The following TNFRSF19 variants were observed in gnomAD, a reference collection of about 807,000 sequenced individuals.
The protein encoded by TNFRSF19 is tumor necrosis factor receptor superfamily member 19.
TNFRSF19 carries 27 observed loss-of-function variants against 46.4 expected under a neutral mutation model. That is an observed-to-expected ratio of 0.58 (90% CI 0.43 to 0.80). The LOEUF is 0.80. Ranked by LOEUF, TNFRSF19 falls within the 30% of genes least tolerant of loss-of-function variation. The pLI is 0.00. For missense variants in TNFRSF19, 511 were observed against 530.8 expected (o/e 0.96, Z 0.37); for synonymous variants, 204 against 205.0 (o/e 1.00, Z 0.04).
At chr13:23,608,538 C>T (rs1880668849) in intron 3 of TNFRSF19, among the ~76,000 whole-genome samples, 1 of 152,170 alleles carries the variant, frequency 6.6e-6, no homozygotes, top group Admixed American at 6.5e-5. Flanking sequence ...GTGGTGGAGC[C>T]ACGTGGGAGT....
intron 4 of TNFRSF19, 72 bp downstream of exon 4, chr13:23,616,117 C>CATTCT: frequency 6.8e-7 from 1 of 1,463,770 alleles, no homozygotes; most frequent in Non-Finnish European, 9.2e-7. Flanking sequence ...TCCCTTGTTC[C>CATTCT]ATTCTAAACT....
At position 23,669,096 on chromosome 13, in the gene TNFRSF19, A is replaced by C; in HGVS notation, c.1244A>C (p.Gln415Pro). Residue 415 changes from glutamine to proline, a missense_variant and splice_region_variant, in exon 9 of 10, where the codon CAG becomes CCG. Coordinates refer to ENST00000248484, the MANE Select transcript of TNFRSF19 (RefSeq NM_148957.4). Reference sequence around the variant, plus strand: ...CACCCAGCCACTCAGACGTCCCTCCAGGTAAGGCAGCGACTGGGTTCCCTG... The same window carrying C: ...CACCCAGCCACTCAGACGTCCCTCCCGGTAAGGCAGCGACTGGGTTCCCTG... ...VIHPATQTSL[Q>P]EA 6.2e-7 allele frequency: 1 copy of C among 1,613,620 alleles called. No homozygotes were observed. The highest frequency in any genetic ancestry group is 1.1e-5 in the South Asian group (1 of 91,020).
chr13:23,604,596 A>C (rs982035315), intron 3 of TNFRSF19, among the ~76,000 whole-genome samples: 2 of 152,168 alleles, frequency 1.3e-5, no homozygotes, highest in African/African-American at 4.8e-5. Flanking sequence ...TACCCACATC[A>C]AGACTTACTG....
chr13:23,610,470 A>T (rs914068731), intron 3 of TNFRSF19, among the ~76,000 whole-genome samples: 10 of 152,144 alleles, frequency 6.6e-5, no homozygotes, highest in African/African-American at 1.9e-4. Context: ...TGGGACCAAG[A>T]TAAGGAAAGC....
intron 1 of TNFRSF19, among the ~76,000 whole-genome samples, chr13:23,588,795 G>C (rs954623184): frequency 6.6e-6 from 1 of 152,130 alleles, no homozygotes; most frequent in African/African-American, 2.4e-5. Flanking sequence ...ATGCCAGCAG[G>C]AAAAAAAGTT....
intron 1 of TNFRSF19, among the ~76,000 whole-genome samples, chr13:23,572,967 G>C (rs1877724175): frequency 6.6e-6 from 1 of 152,178 alleles, no homozygotes; most frequent in South Asian, 2.1e-4. Flanking sequence ...TCACCAATTA[G>C]CTATATGACC....
intron 5 of TNFRSF19, 86 bp downstream of exon 5, chr13:23,626,878 A>G (rs535987687): frequency 1.4e-4 from 185 of 1,292,114 alleles, no homozygotes; most frequent in Middle Eastern, 7.7e-4. Context: ...TCTCTGGCAG[A>G]TGGAGCCAAA....
intron 3 of TNFRSF19, among the ~76,000 whole-genome samples, chr13:23,597,526 A>G (rs750599812): frequency 6.6e-6 from 1 of 152,102 alleles, no homozygotes; most frequent in Non-Finnish European, 1.5e-5. Flanking sequence ...GGACACATAC[A>G]CCCTCCCTAG....
At chr13:23,604,517 A>T (rs1364321169) in intron 3 of TNFRSF19, among the ~76,000 whole-genome samples, 1 of 152,136 alleles carries the variant, frequency 6.6e-6, no homozygotes, top group Admixed American at 6.5e-5. Context: ...TCTAAAGTTT[A>T]TATGTAGAGG....
intron 5 of TNFRSF19, among the ~76,000 whole-genome samples, chr13:23,658,464 A>C (rs1483356188): frequency 1.3e-5 from 2 of 152,162 alleles, no homozygotes; most frequent in Non-Finnish European, 2.9e-5. Context: ...CGGCCTTTCC[A>C]TAGTGTAATA....
intron 5 of TNFRSF19, among the ~76,000 whole-genome samples, chr13:23,647,067 C>A (rs1883374196): frequency 6.6e-6 from 1 of 152,114 alleles, no homozygotes; most frequent in African/African-American, 2.4e-5. Context: ...TGCTAATTGG[C>A]CATTAGTATG....
intron 5 of TNFRSF19, among the ~76,000 whole-genome samples, chr13:23,634,556 T>C (rs1882555734): frequency 6.6e-6 from 1 of 152,228 alleles, no homozygotes; most frequent in Non-Finnish European, 1.5e-5. Flanking sequence ...TGAAATAAGG[T>C]GGACTTAAGT....
At chr13:23,597,319 A>T (rs905855220) in intron 3 of TNFRSF19, among the ~76,000 whole-genome samples, 1 of 152,098 alleles carries the variant, frequency 6.6e-6, no homozygotes, top group Non-Finnish European at 1.5e-5. Flanking sequence ...TGTTTTTTTT[A>T]AAAGATTAAC....
Position 23,673,595 on chromosome 13 carries a change from G to A in TNFRSF19, c.*215G>A. 8.1e-7 allele frequency: 1 copy of A among 1,234,406 alleles called. No individual in the cohort carries two copies. Among genetic ancestry groups the A allele is most frequent in the South Asian group, 3.8e-5 (1 of 26,302 alleles). 76.5% of individuals were successfully genotyped at this position (1,234,406 alleles called of 1,614,324 possible). A position where few individuals can be genotyped will look rare whatever the true frequency, so the allele number is the denominator to read the frequency against. On this transcript the variant is annotated 3_prime_UTR_variant, in exon 10 of 10. Coordinates refer to ENST00000248484, the MANE Select transcript of TNFRSF19 (RefSeq NM_148957.4). ...CAATGAATAACAAGAAAAGACTCCA[G>A]GCCGACTCATGATACTCTGCATCTT...
rs748908124 is a variant in TNFRSF19, at chr13:23,673,511, G to A, written c.*131G>A. 521 of 1,354,714 alleles carry A rather than the reference G, an allele frequency of 3.8e-4. No individual in the cohort carries two copies. The highest frequency in any genetic ancestry group is 4.6e-4 in the Non-Finnish European group (479 of 1,041,944). The allele number at this position is 1,354,714 out of a possible 1,614,324, so 83.9% of individuals were successfully genotyped here. ...AAAAATAAATCTGAACCAAACTGACGGCATTTGAAGCCTTTCAGCCAGTTG... is the reference window on the plus strand; with the variant it reads ...AAAAATAAATCTGAACCAAACTGACAGCATTTGAAGCCTTTCAGCCAGTTG... On this transcript the variant is annotated 3_prime_UTR_variant, in exon 10 of 10. Transcript: ENST00000248484.
chr13:23,593,494 G>A (rs765415605), intron 3 of TNFRSF19, 39 bp downstream of exon 3: 7 of 1,346,866 alleles, frequency 5.2e-6, no homozygotes, highest in South Asian at 2.6e-5. Flanking sequence ...ATCTGTGTTT[G>A]TAAAATGCAT....
chr13:23,571,860 T>A (rs1877652707), intron 1 of TNFRSF19, among the ~76,000 whole-genome samples: 1 of 151,936 alleles, frequency 6.6e-6, no homozygotes, highest in East Asian at 1.9e-4. Context: ...ACACTGTTAC[T>A]TTGTTCGCGA....
chr13:23,622,831 C>T (rs1269761070), intron 4 of TNFRSF19, among the ~76,000 whole-genome samples: 2 of 151,932 alleles, frequency 1.3e-5, no homozygotes, highest in Non-Finnish European at 2.9e-5. Context: ...GGCAAGTTTT[C>T]GGGGTGAAAA....
chr13:23,575,204 G>C (rs1028308192), intron 1 of TNFRSF19, among the ~76,000 whole-genome samples: 2 of 152,156 alleles, frequency 1.3e-5, no homozygotes, highest in African/African-American at 4.8e-5. Flanking sequence ...TTCCCTCATC[G>C]AACTCATGAA....
Sources: gnomAD v4.1 joint callset for allele counts (sites outside exome capture counted in the v4.1 genomes callset) on GRCh38, gnomAD v4.1.1 for gene constraint, MANE v1.5 for transcripts, NCBI Gene and HGNC (gene_info 2026-07-23, HGNC 2026-07-21) for gene names.